BAZ2B: variants seen among roughly 807,000 people sequenced by gnomAD.
BAZ2B encodes bromodomain adjacent to zinc finger domain protein 2B.
BAZ2B carries 91 observed loss-of-function variants against 246.0 expected under a neutral mutation model. The ratio of observed to expected loss-of-function variants is 0.37; its 90% CI spans 0.31 to 0.44. The LOEUF (loss-of-function observed/expected upper bound fraction) is 0.44, where lower values mean the gene tolerates loss of function less well. Among genes scored for constraint, BAZ2B ranks in the 20% least tolerant of loss-of-function variants. BAZ2B has a pLI of 1.00. For missense variants in BAZ2B, 2,332 were observed against 2,533.7 expected (o/e 0.92, Z 1.71); for synonymous variants, 855 against 860.0 (o/e 0.99, Z 0.10).
intron 12 of BAZ2B, 31 bp from the exon 13 acceptor site, chr2:159,428,073 G>T: frequency 1.9e-6 from 3 of 1,590,904 alleles, no homozygotes; most frequent in Non-Finnish European, 2.6e-6. Context: ...TCCACTTCAG[G>T]TTTTAATAAT....
upstream of BAZ2B, among the ~76,000 whole-genome samples, chr2:159,620,714 T>G (rs1696397174): frequency 6.6e-6 from 1 of 151,636 alleles, no homozygotes; most frequent in Non-Finnish European, 1.5e-5. Flanking sequence ...AAATTCTGTA[T>G]GCGGGAATAT....
the BAZ2B span, among the ~76,000 whole-genome samples, chr2:159,706,625 T>C: frequency 6.6e-6 from 1 of 152,260 alleles, no homozygotes; most frequent in Non-Finnish European, 1.5e-5. Context: ...TTTGGTTTTA[T>C]GGTTTACTCC....
chr2:159,567,489 A>C (rs1029132959), intron 1 of BAZ2B, among the ~76,000 whole-genome samples: 4 of 152,222 alleles, frequency 2.6e-5, no homozygotes, highest in Non-Finnish European at 5.9e-5. Context: ...TGCAGCAATA[A>C]ATTCAATGTG....
chr2:159,659,444 G>A, the BAZ2B span, among the ~76,000 whole-genome samples: 1 of 152,162 alleles, frequency 6.6e-6, no homozygotes. Flanking sequence ...GGGATGTGTG[G>A]AGAGCCCCTA....
intron 20 of BAZ2B, among the ~76,000 whole-genome samples, chr2:159,394,131 T>TAA (rs199895045): frequency 1.3e-3 from 185 of 145,202 alleles, no homozygotes; most frequent in African/African-American, 4.5e-3. Context: ...TCCTTCTGAT[T>TAA]AAAAAAAAAA....
intron 1 of BAZ2B, among the ~76,000 whole-genome samples, chr2:159,566,884 T>G (rs1275591263): frequency 6.6e-6 from 1 of 152,130 alleles, no homozygotes; most frequent in Non-Finnish European, 1.5e-5. Context: ...ATATACAGGT[T>G]AAATGCAAAC....
chr2:159,557,243 T>TA (rs2089283583), intron 1 of BAZ2B, among the ~76,000 whole-genome samples: 1 of 145,058 alleles, frequency 6.9e-6, no homozygotes, highest in African/African-American at 2.5e-5. Context: ...TTTTTTGAGA[T>TA]ACGGGGTCTC....
intron 2 of BAZ2B, among the ~76,000 whole-genome samples, chr2:159,487,472 T>C (rs2079967076): frequency 6.6e-6 from 1 of 152,202 alleles, no homozygotes. Context: ...CACTGTGATG[T>C]CAGAGTCTGA....
the BAZ2B span, among the ~76,000 whole-genome samples, chr2:159,677,627 A>G: frequency 6.6e-6 from 1 of 152,192 alleles, no homozygotes; most frequent in Non-Finnish European, 1.5e-5. Context: ...TATAAAACAA[A>G]TAATGCCACA....
intron 27 of BAZ2B, among the ~76,000 whole-genome samples, chr2:159,356,014 G>A (rs1223073221): frequency 4.6e-5 from 7 of 152,220 alleles, no homozygotes; most frequent in Non-Finnish European, 2.9e-5. Flanking sequence ...ATTGCCTCCG[G>A]TGCCTATGCC....
intron 27 of BAZ2B, among the ~76,000 whole-genome samples, chr2:159,351,370 TATATA>T (rs2058545173): frequency 6.6e-6 from 1 of 152,164 alleles, no homozygotes; most frequent in Non-Finnish European, 1.5e-5. Context: ...TTTCTACTGA[TATATA>T]ATAATAGGTC....
chr2:159,657,333 G>C, the BAZ2B span, among the ~76,000 whole-genome samples: 1 of 152,028 alleles, frequency 6.6e-6, no homozygotes, highest in African/African-American at 2.4e-5. Context: ...GTATCAATTT[G>C]TTCTTTTATC....
chr2:159,407,874 GATA>G (rs1282317262), intron 14 of BAZ2B, among the ~76,000 whole-genome samples: 1 of 152,102 alleles, frequency 6.6e-6, no homozygotes, highest in African/African-American at 2.4e-5. Context: ...AGCAACCTCT[GATA>G]ATAATATGGG....
the BAZ2B span, among the ~76,000 whole-genome samples, chr2:159,625,555 G>T: frequency 6.6e-6 from 1 of 152,148 alleles, no homozygotes; most frequent in Non-Finnish European, 1.5e-5. Flanking sequence ...TTTCAACCCA[G>T]AATTTCATAT....
At chr2:159,548,864 T>A (rs2087730631) in intron 2 of BAZ2B, among the ~76,000 whole-genome samples, 1 of 152,150 alleles carries the variant, frequency 6.6e-6, no homozygotes, top group Admixed American at 6.5e-5. Context: ...TAAATAATAT[T>A]AAATTTACAT....
chr2:159,506,089 C>G (rs1162552819), intron 2 of BAZ2B, among the ~76,000 whole-genome samples: 1 of 152,072 alleles, frequency 6.6e-6, no homozygotes, highest in Non-Finnish European at 1.5e-5. Flanking sequence ...TCCCAAAAAT[C>G]TCTTACAAGG....
intron 1 of BAZ2B, among the ~76,000 whole-genome samples, chr2:159,602,983 A>G (rs905493033): frequency 6.6e-6 from 1 of 152,152 alleles, no homozygotes; most frequent in Admixed American, 6.6e-5. Context: ...ATAAAAATAC[A>G]AAAATTAGCC....
Position 159,463,109 on chromosome 2 carries a change from C to T in BAZ2B, c.146-9308G>A, listed in dbSNP as rs1414794011. 5.9e-6 allele frequency: 4 copies of T among 680,374 alleles called. No homozygotes were observed. In the East Asian group the frequency reaches 1.0e-4, roughly 18 times the overall value. The allele number at this position is 680,374 out of a possible 1,614,324, so 42.1% of individuals were successfully genotyped here. ...TTATAATGGGCAAATGCACGTGCTGCCCTTTCCCTGAGGAGACTGTCATTA... is the reference window on the plus strand; with the variant it reads ...TTATAATGGGCAAATGCACGTGCTGTCCTTTCCCTGAGGAGACTGTCATTA... On this transcript the variant is annotated intron_variant, in intron 3 of 36. Coordinates refer to ENST00000392783, the MANE Select transcript of BAZ2B (RefSeq NM_013450.4).
In BAZ2B at chr2:159,448,539, C is replaced by T. The variant is rs564955063; in HGVS notation, c.335-130G>A. ...TTGGAACAAAACTGAATTACTCATA[C>T]TTCTGATCATTTTCCTAATTCTAAA... On this transcript the variant is annotated intron_variant, in intron 4 of 36. Coordinates refer to ENST00000392783, the MANE Select transcript of BAZ2B (RefSeq NM_013450.4). 9.7e-5 allele frequency: 103 copies of T among 1,063,140 alleles called. No homozygotes were observed. The African/African-American group carries it at 1.6e-3, about 17-fold the overall frequency. 65.9% of individuals were successfully genotyped at this position (1,063,140 alleles called of 1,614,324 possible).
Sources: allele counts gnomAD v4.1 joint callset (sites outside exome capture counted in the v4.1 genomes callset), GRCh38; gene constraint gnomAD v4.1.1; transcripts MANE v1.5; gene names NCBI Gene and HGNC (gene_info 2026-07-23, HGNC 2026-07-21).